Variants in PVT1 observed in about 807,000 individuals in gnomAD.
PVT1 encodes the protein CXCR4/PVT1 fusion.
rs189988945 is a variant in PVT1, at chr8:128,089,672, G to A, written n.1115-6846G>A. ...CAATTACGCATAGCAGGGTGTGGGGGGGGTCATAATTGGAAAAGTATGTTG... is the reference window on the plus strand; with the variant it reads ...CAATTACGCATAGCAGGGTGTGGGGAGGGTCATAATTGGAAAAGTATGTTG... On this transcript the variant is annotated intron_variant and non_coding_transcript_variant, in intron 5 of 10. Coordinates refer to ENST00000651587, the Ensembl canonical transcript of PVT1. Among the ~76,000 whole-genome samples the A allele has an allele frequency of 3.3e-5, 5 of 152,308 alleles. No individual in the cohort carries two copies. In the East Asian group the frequency reaches 9.6e-4, roughly 29 times the overall value.
intron 3 of PVT1, chr8:127,983,876 A>ATTTTTTTTTTTT (rs33948305): frequency 8.3e-6 from 1 of 121,020 alleles, no homozygotes; most frequent in Non-Finnish European, 1.6e-5. Context: ...CTTGACTTTG[A>ATTTTTTTTTTTT]TTTTTTTTTT....
chr8:127,937,371 C>G (rs1388724342), intron 3 of PVT1, among the ~76,000 whole-genome samples: 24 of 151,836 alleles, frequency 1.6e-4, no homozygotes, highest in Non-Finnish European at 4.4e-5. Context: ...CCTCTAGCCT[C>G]CTGAGTAGCT....
rs577219587 is a variant in PVT1 at position 127,858,222 on chromosome 8, A to G, written n.373-32367A>G. ...CCGGTCCAACATGGTGAAATACAACATGGTGTATTTTGTGTCTCTATTGGA... is the reference window on the plus strand; with the variant it reads ...CCGGTCCAACATGGTGAAATACAACGTGGTGTATTTTGTGTCTCTATTGGA... On this transcript the variant is annotated intron_variant and non_coding_transcript_variant, in intron 2 of 10. Coordinates refer to ENST00000651587, the Ensembl canonical transcript of PVT1. Among the ~76,000 whole-genome samples the G allele has an allele frequency of 4.6e-5, 7 of 152,126 alleles. No individual in the cohort carries two copies. The East Asian group carries it at 9.7e-4, about 21-fold the overall frequency.
intron 4 of PVT1, among the ~76,000 whole-genome samples, chr8:128,004,542 T>G (rs1358977257): frequency 2.0e-5 from 3 of 152,106 alleles, no homozygotes; most frequent in Non-Finnish European, 4.4e-5. Context: ...ATTTGTAAAA[T>G]GGAGCTAACA....
intron 4 of PVT1, among the ~76,000 whole-genome samples, chr8:128,032,179 G>A (rs1458989295): frequency 6.6e-6 from 1 of 152,198 alleles, no homozygotes; most frequent in Non-Finnish European, 1.5e-5. Flanking sequence ...GTCATTCGGT[G>A]GAGTCTGTGA....
At chr8:127,817,913 G>C (rs1358114219) in intron 2 of PVT1, among the ~76,000 whole-genome samples, 2 of 152,024 alleles carry the variant, frequency 1.3e-5, no homozygotes, top group African/African-American at 4.8e-5. Context: ...TTAACTCGGA[G>C]CCTGGAAATA....
intron 2 of PVT1, among the ~76,000 whole-genome samples, chr8:127,818,385 C>G (rs1448324971): frequency 3.9e-5 from 6 of 152,324 alleles, no homozygotes; most frequent in Admixed American, 6.5e-5. Flanking sequence ...TGTGCTGCCC[C>G]CTGCCTGACA....
At chr8:128,079,237 A>G (rs184632793) in intron 5 of PVT1, among the ~76,000 whole-genome samples, 181 of 152,272 alleles carry the variant, frequency 1.2e-3, no homozygotes, top group African/African-American at 3.6e-3. Context: ...AGAGGATCTC[A>G]TCAGTGGAAT....
intron 5 of PVT1, among the ~76,000 whole-genome samples, chr8:128,092,189 C>G (rs1270021917): frequency 6.6e-6 from 1 of 152,146 alleles, no homozygotes; most frequent in African/African-American, 2.4e-5. Flanking sequence ...CTGCTGTTTC[C>G]CATTTATTTT....
chr8:127,889,135 T>TC (rs1237098708), intron 2 of PVT1, among the ~76,000 whole-genome samples: 2 of 150,666 alleles, frequency 1.3e-5, no homozygotes, highest in East Asian at 3.9e-4. Flanking sequence ...CTTTCTTTCT[T>TC]CTTTTTTTTT....
At chr8:127,926,586 A>G (rs1315474010) in intron 3 of PVT1, among the ~76,000 whole-genome samples, 1 of 152,064 alleles carries the variant, frequency 6.6e-6, no homozygotes, top group Non-Finnish European at 1.5e-5. Context: ...CATCCTGTGG[A>G]TGGCCTGAGT....
At chr8:128,083,181 CTGT>C (rs1262133708) in intron 5 of PVT1, among the ~76,000 whole-genome samples, 2 of 152,138 alleles carry the variant, frequency 1.3e-5, no homozygotes, top group Admixed American at 1.3e-4. Context: ...TGTGTATTGA[CTGT>C]TGAATAAAGG....
Position 127,990,589 on chromosome 8 carries a change from G to A in PVT1, n.912+1298G>A, listed in dbSNP as rs1817021191. 2.0e-5 allele frequency among the ~76,000 whole-genome samples: 3 copies of A among 152,372 alleles called. No individual in the cohort carries two copies. In the South Asian group the frequency reaches 6.2e-4, roughly 32 times the overall value. ...TTGAAAGCTATGCAAGGGTGGAAAG[G>A]TGGGTGAGAAGCTGTGGACTGGTGA... On this transcript the variant is annotated intron_variant and non_coding_transcript_variant, in intron 4 of 10. Transcript: ENST00000651587.
rs76011869 is a variant in PVT1, at chr8:127,885,410, T to C, written n.373-5179T>C. Among the ~76,000 whole-genome samples, 1,270 of 152,326 alleles carry C rather than the reference T, an allele frequency of 8.3e-3. 12 individuals are homozygous for C. The highest frequency in any genetic ancestry group is 0.029 in the African/African-American group (1,201 of 41,582). ...AACAACAGAACTTTATTTGTCATGG[T>C]TCTGGAGGTGGGGAAGTCCAAGATT... On this transcript the variant is annotated intron_variant and non_coding_transcript_variant, in intron 2 of 10. Transcript: ENST00000651587.
At chr8:127,842,034 T>C in intron 2 of PVT1, among the ~76,000 whole-genome samples, 1 of 151,406 alleles carries the variant, frequency 6.6e-6, no homozygotes, top group Non-Finnish European at 1.5e-5. Flanking sequence ...AAAGTTGTTA[T>C]TTTAAAATTA....
chr8:128,031,114 C>T (rs763894475), intron 4 of PVT1, among the ~76,000 whole-genome samples: 12 of 152,210 alleles, frequency 7.9e-5, no homozygotes, highest in African/African-American at 1.4e-4. Flanking sequence ...GCGCACCTGG[C>T]CTGTTCCAGG....
chr8:128,034,205 T>C (rs988865799), intron 4 of PVT1, among the ~76,000 whole-genome samples: 4 of 151,876 alleles, frequency 2.6e-5, no homozygotes, highest in Non-Finnish European at 4.4e-5. Flanking sequence ...TTCTTCCTCT[T>C]TCCTTCTCTA....
intron 2 of PVT1, among the ~76,000 whole-genome samples, chr8:127,868,044 T>C (rs1449657387): frequency 6.6e-6 from 1 of 152,206 alleles, no homozygotes; most frequent in Non-Finnish European, 1.5e-5. Context: ...AAAATAATCT[T>C]TTTCTTATTA....
intron 5 of PVT1, among the ~76,000 whole-genome samples, chr8:128,085,913 T>G (rs1423136263): frequency 6.6e-6 from 1 of 152,250 alleles, no homozygotes; most frequent in African/African-American, 2.4e-5. Context: ...TACCTTTGTA[T>G]GAATGTCTCC....
Sources: gnomAD v4.1 joint callset for allele counts (sites outside exome capture counted in the v4.1 genomes callset) on GRCh38, gnomAD v4.1.1 for gene constraint, MANE v1.5 for transcripts, NCBI Gene and HGNC (gene_info 2026-07-23, HGNC 2026-07-21) for gene names.